Variants in RANBP9 observed in about 807,000 individuals in gnomAD.
The protein encoded by RANBP9 is ran-binding protein 9.
Under a neutral mutation model 84.3 loss-of-function variants are expected in RANBP9, and 15 were observed. The observed-to-expected ratio is 0.18, with a 90% CI of 0.12 to 0.27. RANBP9 has a LOEUF of 0.27. Ranked by LOEUF, RANBP9 falls within the 10% of genes least tolerant of loss-of-function variation. RANBP9 has a pLI of 1.00. For synonymous variants in RANBP9, 392 were observed against 349.6 expected (o/e 1.12, Z -1.35); for missense variants, 809 against 912.8 (o/e 0.89, Z 1.46).
intron 6 of RANBP9, among the ~76,000 whole-genome samples, chr6:13,642,942 A>G (rs1333814307): frequency 1.3e-5 from 2 of 152,120 alleles, no homozygotes; most frequent in Admixed American, 6.5e-5. Context: ...CATAATTTCT[A>G]TTTTGACTTT....
At chr6:13,656,589 T>C (rs1765406922) in intron 4 of RANBP9, among the ~76,000 whole-genome samples, 1 of 152,180 alleles carries the variant, frequency 6.6e-6, no homozygotes, top group Non-Finnish European at 1.5e-5. Flanking sequence ...TGTCACTGTT[T>C]GCTTGTTTAA....
chr6:13,651,591 G>A (rs1765299215), intron 5 of RANBP9, among the ~76,000 whole-genome samples: 2 of 151,450 alleles, frequency 1.3e-5, no homozygotes, highest in Admixed American at 6.6e-5. Context: ...TAGTAGAGAC[G>A]GGGGTTCACC....
At chr6:13,689,908 A>G (rs1766283698) in intron 2 of RANBP9, among the ~76,000 whole-genome samples, 1 of 152,142 alleles carries the variant, frequency 6.6e-6, no homozygotes, top group Non-Finnish European at 1.5e-5. Flanking sequence ...CATATCTTCC[A>G]AACACCATAT....
In RANBP9 at chr6:13,625,775, C is replaced by A. The variant is rs1250533362; in HGVS notation, c.1948-11G>T. 6.4e-7 allele frequency: 1 copy of A among 1,551,888 alleles called. No individual in the cohort carries two copies. Among genetic ancestry groups the A allele is most frequent in the Non-Finnish European group, 8.9e-7 (1 of 1,123,826 alleles). On this transcript the variant is annotated splice_polypyrimidine_tract_variant and intron_variant, in intron 12 of 13. Transcript: ENST00000011619. ...TAGACTGAATGCATCCTGTTGAAAA[C>A]ACATCGATTTGGTTTTAATTCAAAT...
chr6:13,671,188 G>A (rs1254001008), intron 2 of RANBP9, among the ~76,000 whole-genome samples: 2 of 152,174 alleles, frequency 1.3e-5, no homozygotes, highest in Non-Finnish European at 2.9e-5. Context: ...TGGAGAAACT[G>A]CAACTATCAT....
intron 2 of RANBP9, among the ~76,000 whole-genome samples, chr6:13,668,532 G>C (rs1408226100): frequency 6.6e-6 from 1 of 151,918 alleles, no homozygotes; most frequent in Non-Finnish European, 1.5e-5. Context: ...GACCAAATGG[G>C]ATTTATATCC....
intron 10 of RANBP9, among the ~76,000 whole-genome samples, chr6:13,636,634 C>A (rs1025854247): frequency 6.6e-6 from 1 of 152,334 alleles, no homozygotes; most frequent in East Asian, 1.9e-4. Context: ...TGATGAAGTA[C>A]TTAACTTTTT....
intron 12 of RANBP9, 90 bp from the exon 13 acceptor site, chr6:13,625,854 T>G: frequency 9.0e-6 from 8 of 887,200 alleles, no homozygotes; most frequent in Non-Finnish European, 1.3e-5. Flanking sequence ...AAATATGGCT[T>G]CCAGGCACAG....
At chr6:13,640,798 C>T (rs1765046890) in intron 8 of RANBP9, among the ~76,000 whole-genome samples, 1 of 152,080 alleles carries the variant, frequency 6.6e-6, no homozygotes, top group Admixed American at 6.6e-5. Flanking sequence ...TGGAGAAGTT[C>T]TGGAGTCGGA....
rs761681207 is a variant in RANBP9, at chr6:13,711,139, G to A, written c.367C>T (p.Leu123=). The A allele has an allele frequency of 6.5e-7, 1 of 1,533,322 alleles. No homozygotes were observed. Among genetic ancestry groups the A allele is most frequent in the Non-Finnish European group, 8.8e-7 (1 of 1,141,520 alleles). The allele number at this position is 1,533,322 out of a possible 1,614,324, so 95.0% of individuals were successfully genotyped here. Residue 123 remains leucine, a synonymous_variant, in exon 1 of 14, where the codon CTG becomes TTG. Transcript: ENST00000011619. ...GPAGGAPTPA[L]VAGSSAAAPF... is the part of the protein sequence containing the mutation. ...GCCGCGGCGCTGCTGCCCGCCACCA[G>A]AGCTGGGGTCGGGGCTCCTCCAGCC...
chr6:13,700,097 G>C (rs1238489645), intron 1 of RANBP9, among the ~76,000 whole-genome samples: 2 of 152,160 alleles, frequency 1.3e-5, no homozygotes, highest in Non-Finnish European at 2.9e-5. Flanking sequence ...TGTGGCTTTA[G>C]AAGAAAACAT....
chr6:13,694,789 A>G (rs1275707732), intron 2 of RANBP9, among the ~76,000 whole-genome samples: 2 of 152,164 alleles, frequency 1.3e-5, no homozygotes, highest in Non-Finnish European at 2.9e-5. Context: ...CGCTGTATTT[A>G]CCACATGCCC....
chr6:13,708,661 A>G (rs1157506666), intron 1 of RANBP9, among the ~76,000 whole-genome samples: 3 of 152,180 alleles, frequency 2.0e-5, no homozygotes, highest in Non-Finnish European at 4.4e-5. Flanking sequence ...AGGTTAAATA[A>G]AAATTCACTC....
intron 2 of RANBP9, among the ~76,000 whole-genome samples, chr6:13,673,649 G>A (rs1281676183): frequency 2.0e-5 from 3 of 152,148 alleles, no homozygotes; most frequent in Non-Finnish European, 2.9e-5. Flanking sequence ...TAAGGTACCT[G>A]CACTATGTGT....
At chr6:13,675,496 G>C (rs925603957) in intron 2 of RANBP9, among the ~76,000 whole-genome samples, 1 of 152,034 alleles carries the variant, frequency 6.6e-6, no homozygotes, top group Admixed American at 6.6e-5. Context: ...TGAAAGCAGT[G>C]CCTACAGAGA....
Position 13,711,122 on chromosome 6 carries a change from G to A in RANBP9, c.384C>T (p.Ser128=), listed in dbSNP as rs1758268038. The A allele has an allele frequency of 6.5e-7, 1 of 1,545,418 alleles. No homozygotes were observed. Among genetic ancestry groups the A allele is most frequent in the South Asian group, 1.2e-5 (1 of 84,412 alleles). ...CCCCGTGAGGGAAGGGGGCCGCGGC[G>A]CTGCTGCCCGCCACCAGAGCTGGGG... ...APTPALVAGS[S]AAAPFPHGDS... The change falls in exon 1 of 14, where the codon AGC becomes AGT. Residue 128 remains serine (S), a synonymous_variant. Coordinates refer to ENST00000011619, the MANE Select transcript of RANBP9 (RefSeq NM_005493.3).
chr6:13,711,220 C>T lies in RANBP9; in HGVS notation c.286G>A (p.Ala96Thr). ...PPPPPPPASA[A>T]APASGPPAPP... is the part of the protein sequence containing the mutation. ...GCGGGCGGCCCGCTGGCGGGGGCAG[C>T]CGCTGAGGCAGGGGGAGGCGGGGGC... The change falls in exon 1 of 14, where the codon GCT becomes ACT. Residue 96 changes from alanine (A) to threonine (T), a missense_variant. Ala to Thr is a moderately conservative substitution (Grantham distance 58). This residue lies in a region of RANBP9 where 302 missense variants were observed against 240.1 expected (regional missense o/e 1.26). Coordinates refer to ENST00000011619, the MANE Select transcript of RANBP9 (RefSeq NM_005493.3). 8.9e-7 allele frequency: 1 copy of T among 1,128,460 alleles called. No individual in the cohort carries two copies. The highest frequency in any genetic ancestry group is 4.4e-5 in the East Asian group (1 of 22,912). 69.9% of individuals were successfully genotyped at this position (1,128,460 alleles called of 1,614,324 possible).
chr6:13,653,386 C>T (rs1017917541), intron 4 of RANBP9, among the ~76,000 whole-genome samples: 9 of 152,108 alleles, frequency 5.9e-5, no homozygotes, highest in Non-Finnish European at 1.3e-4. Context: ...ATTTAACGAC[C>T]TCCTTTAAAT....
At chr6:13,629,973 C>G (rs1261314403) in intron 12 of RANBP9, among the ~76,000 whole-genome samples, 1 of 151,436 alleles carries the variant, frequency 6.6e-6, no homozygotes, top group Non-Finnish European at 1.5e-5. Flanking sequence ...TCACATGACT[C>G]AAAGTTTATG....
Sources: gnomAD v4.1 joint callset for allele counts (sites outside exome capture counted in the v4.1 genomes callset) on GRCh38, gnomAD v4.1.1 for gene constraint, gnomAD v4.1.1 regional missense constraint, MANE v1.5 for transcripts, NCBI Gene and HGNC (gene_info 2026-07-23, HGNC 2026-07-21) for gene names.